BTBD9: variants seen among roughly 807,000 people sequenced by gnomAD.
The protein encoded by BTBD9 is BTB domain containing 9.
A neutral mutation model predicts 64.3 loss-of-function variants in BTBD9; 49 were observed. That is an observed-to-expected ratio of 0.76 (90% confidence interval 0.61 to 0.97). BTBD9 has a LOEUF of 0.97. Ranked by LOEUF, BTBD9 falls within the 50% of genes least tolerant of loss-of-function variation. The pLI is 0.00. For missense variants in BTBD9, 598 were observed against 762.1 expected (o/e 0.78, Z 2.53); for synonymous variants, 260 against 274.7 (o/e 0.95, Z 0.53).
chr6:38,214,814 A>G (rs1047772843), intron 9 of BTBD9, among the ~76,000 whole-genome samples: 7 of 152,218 alleles, frequency 4.6e-5, no homozygotes, highest in Admixed American at 2.0e-4. Context: ...ATAGTAAACA[A>G]GCAGCCATAA....
rs1358003145 is a variant in BTBD9 at position 38,291,016 on chromosome 6, T to C, written c.1265-2555A>G. Among the ~76,000 whole-genome samples, 3 of 152,246 alleles carry C rather than the reference T, an allele frequency of 2.0e-5. No homozygotes were observed. The East Asian group carries it at 5.8e-4, about 29-fold the overall frequency. Reference sequence around the variant, plus strand: ...TTTAGATTGTTACCATTGTTTTCTTTGCCATTACAAACAAAGATGTCTTCT... The same window carrying C: ...TTTAGATTGTTACCATTGTTTTCTTCGCCATTACAAACAAAGATGTCTTCT... On this transcript the variant is annotated intron_variant, in intron 7 of 10. Coordinates refer to ENST00000481247, the MANE Select transcript of BTBD9 (RefSeq NM_001099272.2).
chr6:38,223,772 CTTT>C (rs1229508772), intron 9 of BTBD9, among the ~76,000 whole-genome samples: 1 of 145,928 alleles, frequency 6.9e-6, no homozygotes. Context: ...TTGGATTCTC[CTTT>C]TTTTTTTTTT....
At chr6:38,250,795 G>T (rs1212720137) in intron 9 of BTBD9, among the ~76,000 whole-genome samples, 3 of 152,166 alleles carry the variant, frequency 2.0e-5, no homozygotes. Context: ...AGTTTAGGCC[G>T]AGCGAGGTGG....
intron 6 of BTBD9, among the ~76,000 whole-genome samples, chr6:38,470,572 C>A (rs1046603601): frequency 2.0e-5 from 3 of 152,168 alleles, no homozygotes; most frequent in African/African-American, 7.2e-5. Flanking sequence ...TCCCATTTAT[C>A]CTAGTGATCT....
intron 4 of BTBD9, 149 bp from the exon 5 acceptor site, chr6:38,580,586 A>G (rs1356839457): frequency 4.3e-6 from 3 of 704,878 alleles, no homozygotes; most frequent in African/African-American, 3.6e-5. Flanking sequence ...AATACAGAAC[A>G]TCTATGAGGA....
intron 8 of BTBD9, among the ~76,000 whole-genome samples, chr6:38,265,903 A>G (rs1582135750): frequency 6.6e-6 from 1 of 152,328 alleles, no homozygotes; most frequent in Admixed American, 6.5e-5. Flanking sequence ...GTTTTAGGTG[A>G]TAACATAAAA....
intron 6 of BTBD9, among the ~76,000 whole-genome samples, chr6:38,559,986 C>T (rs893833771): frequency 1.3e-5 from 2 of 152,024 alleles, no homozygotes; most frequent in African/African-American, 2.4e-5. Context: ...TAAAAGAAAA[C>T]ATAGGAAATA....
intron 8 of BTBD9, among the ~76,000 whole-genome samples, chr6:38,257,515 T>C (rs1764635338): frequency 6.6e-6 from 1 of 152,130 alleles, no homozygotes; most frequent in Admixed American, 6.6e-5. Flanking sequence ...TTTCTTATAG[T>C]ATTCTCTAAT....
chr6:38,455,808 G>A (rs1011770270), intron 6 of BTBD9, among the ~76,000 whole-genome samples: 5 of 151,956 alleles, frequency 3.3e-5, no homozygotes, highest in African/African-American at 1.2e-4. Context: ...TCCTGGAGTA[G>A]CGGGGATTAC....
chr6:38,279,248 G>A (rs1403959714), intron 8 of BTBD9, among the ~76,000 whole-genome samples: 1 of 152,020 alleles, frequency 6.6e-6, no homozygotes, highest in African/African-American at 2.4e-5. Context: ...GTGCCTCTGT[G>A]GTTACCAATG....
intron 4 of BTBD9, chr6:38,588,461 C>G: frequency 1.2e-6 from 1 of 835,800 alleles, no homozygotes; most frequent in Admixed American, 2.0e-5. Flanking sequence ...CCTCCTCCAA[C>G]TGGGCCTAAT....
chr6:38,364,607 T>G (rs1765114597), intron 6 of BTBD9, among the ~76,000 whole-genome samples: 1 of 152,186 alleles, frequency 6.6e-6, no homozygotes, highest in African/African-American at 2.4e-5. Context: ...TGCCTGACCT[T>G]GGCAGCTAAG....
chr6:38,436,911 T>A (rs1337715222), intron 6 of BTBD9, among the ~76,000 whole-genome samples: 1 of 152,322 alleles, frequency 6.6e-6, no homozygotes, highest in East Asian at 1.9e-4. Context: ...ACAACGATGA[T>A]GATAGTTGTA....
At chr6:38,439,347 C>T (rs1312239589) in intron 6 of BTBD9, among the ~76,000 whole-genome samples, 2 of 151,542 alleles carry the variant, frequency 1.3e-5, no homozygotes, top group African/African-American at 4.9e-5. Context: ...AGGCTGCTGT[C>T]GAACTCCTGA....
At chr6:38,471,113 T>C (rs1471728898) in intron 6 of BTBD9, among the ~76,000 whole-genome samples, 4 of 152,160 alleles carry the variant, frequency 2.6e-5, no homozygotes, top group Non-Finnish European at 4.4e-5. Flanking sequence ...GCAGAACCAA[T>C]GGCCTTAATT....
intron 6 of BTBD9, among the ~76,000 whole-genome samples, chr6:38,481,109 A>C (rs1454378950): frequency 2.0e-5 from 3 of 151,910 alleles, no homozygotes; most frequent in African/African-American, 7.3e-5. Context: ...GAGAGGCAAA[A>C]CAGAAAGGTT....
At chr6:38,188,657 T>TA (rs1302240714) in intron 10 of BTBD9, among the ~76,000 whole-genome samples, 1 of 152,224 alleles carries the variant, frequency 6.6e-6, no homozygotes, top group Admixed American at 6.5e-5. Context: ...AGGCCACTGT[T>TA]ATGGACTGAT....
At chr6:38,596,054 A>G in intron 2 of BTBD9, 22 of 985,378 alleles carry the variant, frequency 2.2e-5, no homozygotes, top group Non-Finnish European at 2.7e-5. Flanking sequence ...TTCCTCCTAT[A>G]CAATTCCTTA....
chr6:38,454,733 G>A lies in BTBD9; in HGVS notation c.1155-109640C>T, dbSNP rs182610571. Among the ~76,000 whole-genome samples, 3 of 151,400 alleles carry A rather than the reference G, an allele frequency of 2.0e-5. No homozygotes were observed. In the South Asian group the frequency reaches 6.3e-4, roughly 32 times the overall value. ...AATTGCTTGAGCCCAGGGGCTTGAG[G>A]CTGCAGTGAGCTATGAATGATCATG... On this transcript the variant is annotated intron_variant, in intron 6 of 10. Transcript: ENST00000481247.
Sources: gnomAD v4.1 joint callset for allele counts (sites outside exome capture counted in the v4.1 genomes callset) on GRCh38, gnomAD v4.1.1 for gene constraint, MANE v1.5 for transcripts, NCBI Gene and HGNC (gene_info 2026-07-23, HGNC 2026-07-21) for gene names.